MYO3B: variants seen among roughly 807,000 people sequenced by gnomAD.
MYO3B encodes the protein myosin-IIIb.
In MYO3B, 156 loss-of-function variants were observed where a neutral mutation model predicts 174.6. The ratio of observed to expected loss-of-function variants is 0.89; its 90% CI spans 0.78 to 1.02. The LOEUF (loss-of-function observed/expected upper bound fraction) is 1.02, where lower values mean the gene tolerates loss of function less well. Among genes scored for constraint, MYO3B ranks in the 50% least tolerant of loss-of-function variants. The pLI is 0.00. For synonymous variants in MYO3B, 563 were observed against 569.1 expected, an observed-to-expected ratio of 0.99 and a Z score of 0.15; for missense variants, 1,632 against 1,639.4, an observed-to-expected ratio of 1.00 and a Z score of 0.08.
Position 170,210,125 on chromosome 2 carries a change from C to T in MYO3B, c.322-4254C>T, listed in dbSNP as rs7607978. Among the ~76,000 whole-genome samples the T allele has an allele frequency of 0.029, 4,449 of 152,224 alleles. 287 individuals are homozygous for T. In the East Asian group the frequency reaches 0.29, roughly 10 times the overall value. On this transcript the variant is annotated intron_variant, in intron 3 of 34. Transcript: ENST00000408978. ...TTAAAAAAGCAAAAACCTTTTATAA[C>T]CCTTTACAAATTTTGCTAAAGAGCA...
At chr2:170,381,595 A>G (rs989788824) in intron 9 of MYO3B, among the ~76,000 whole-genome samples, 6 of 152,212 alleles carry the variant, frequency 3.9e-5, no homozygotes, top group African/African-American at 1.4e-4. Context: ...TAGGTTAAAA[A>G]CTATCACAAA....
chr2:170,298,638 C>G (rs1289742270), intron 7 of MYO3B, among the ~76,000 whole-genome samples: 1 of 146,550 alleles, frequency 6.8e-6, no homozygotes, highest in Admixed American at 7.1e-5. Flanking sequence ...CACGCCACTG[C>G]TCTGCACTCC....
At chr2:170,532,904 A>G (rs1323938772) in intron 30 of MYO3B, among the ~76,000 whole-genome samples, 1 of 151,716 alleles carries the variant, frequency 6.6e-6, no homozygotes, top group Admixed American at 6.6e-5. Context: ...ATGTGTATAT[A>G]TCAATACAGA....
intron 32 of MYO3B, among the ~76,000 whole-genome samples, chr2:170,558,998 T>C (rs1691534107): frequency 6.6e-6 from 1 of 152,272 alleles, no homozygotes; most frequent in East Asian, 1.9e-4. Flanking sequence ...CATGGAGTTA[T>C]TCTTGTTACT....
At chr2:170,275,617 A>G (rs2093459134) in intron 7 of MYO3B, among the ~76,000 whole-genome samples, 1 of 152,054 alleles carries the variant, frequency 6.6e-6, no homozygotes, top group African/African-American at 2.4e-5. Flanking sequence ...TGTGAGGAAG[A>G]CTCATTGTCA....
chr2:170,402,215 A>C (rs777409859), intron 18 of MYO3B, among the ~76,000 whole-genome samples: 1 of 152,194 alleles, frequency 6.6e-6, no homozygotes, highest in Non-Finnish European at 1.5e-5. Flanking sequence ...GTGAATAACT[A>C]ACTCCCATAT....
intron 11 of MYO3B, 41 bp from the exon 12 acceptor site, chr2:170,383,669 A>C (rs1380670616): frequency 6.8e-7 from 1 of 1,474,106 alleles, no homozygotes; most frequent in Non-Finnish European, 9.5e-7. Context: ...GGAGTATTAG[A>C]TGGTCCAGGG....
At chr2:170,595,475 G>C (rs139144045) in intron 32 of MYO3B, among the ~76,000 whole-genome samples, 2 of 152,184 alleles carry the variant, frequency 1.3e-5, no homozygotes, top group Admixed American at 6.5e-5. Flanking sequence ...GTCTCACTCT[G>C]TTACTCAGGC....
At chr2:170,265,056 A>G (rs1313054428) in intron 7 of MYO3B, among the ~76,000 whole-genome samples, 3 of 152,204 alleles carry the variant, frequency 2.0e-5, no homozygotes, top group African/African-American at 4.8e-5. Flanking sequence ...TACAGAATTC[A>G]TATTTAGAAT....
chr2:170,278,375 C>T (rs570258352), intron 7 of MYO3B, among the ~76,000 whole-genome samples: 7 of 152,210 alleles, frequency 4.6e-5, no homozygotes, highest in Admixed American at 3.9e-4. Flanking sequence ...ATTCTAATAG[C>T]ACACATCTAT....
At chr2:170,213,874 G>T (rs2092799512) in intron 3 of MYO3B, among the ~76,000 whole-genome samples, 1 of 152,148 alleles carries the variant, frequency 6.6e-6, no homozygotes, top group Admixed American at 6.5e-5. Flanking sequence ...ACTGCTGGTT[G>T]GGCTTCTGAT....
chr2:170,647,575 ATTAAAC>A (rs766379450), intron 32 of MYO3B, among the ~76,000 whole-genome samples: 2 of 152,234 alleles, frequency 1.3e-5, no homozygotes, highest in Non-Finnish European at 2.9e-5. Flanking sequence ...ATATGGAAAA[ATTAAAC>A]TTAAAATAAT....
At chr2:170,180,008 C>G (rs938562153) in intron 1 of MYO3B, 1 of 198,310 alleles carries the variant, frequency 5.0e-6, no homozygotes, top group Non-Finnish European at 1.1e-5. Context: ...CATACTATAA[C>G]ATCTAGAAAA....
chr2:170,375,200 A>G (rs1558937397), intron 9 of MYO3B, among the ~76,000 whole-genome samples: 1 of 152,296 alleles, frequency 6.6e-6, no homozygotes, highest in South Asian at 2.1e-4. Context: ...CCCTGAATTC[A>G]TTAGTATCAT....
At chr2:170,522,640 C>T (rs1421673502) in intron 30 of MYO3B, among the ~76,000 whole-genome samples, 1 of 152,210 alleles carries the variant, frequency 6.6e-6, no homozygotes, top group Non-Finnish European at 1.5e-5. Context: ...CTCTAGCTCA[C>T]TTCAGTTTGT....
intron 7 of MYO3B, among the ~76,000 whole-genome samples, chr2:170,280,949 G>A (rs1202388312): frequency 6.6e-6 from 1 of 152,038 alleles, no homozygotes; most frequent in African/African-American, 2.4e-5. Flanking sequence ...GGAGTGCCTT[G>A]GCTATTTGGG....
chr2:170,318,609 T>G (rs2093792856), intron 7 of MYO3B, among the ~76,000 whole-genome samples: 1 of 152,100 alleles, frequency 6.6e-6, no homozygotes, highest in South Asian at 2.1e-4. Context: ...TGGCCAAACT[T>G]GGGGTCAAAT....
chr2:170,315,317 C>CTT (rs11322354), intron 7 of MYO3B, among the ~76,000 whole-genome samples: 2 of 143,826 alleles, frequency 1.4e-5, no homozygotes, highest in African/African-American at 5.1e-5. Context: ...ACTTATAATT[C>CTT]TTTTTTTTTT....
chr2:170,552,047 TA>T (rs1690960656), intron 32 of MYO3B, among the ~76,000 whole-genome samples: 1 of 152,222 alleles, frequency 6.6e-6, no homozygotes, highest in Non-Finnish European at 1.5e-5. Context: ...GTGAGCCAAT[TA>T]AACCTCTTTT....
Sources: allele counts gnomAD v4.1 joint callset (sites outside exome capture counted in the v4.1 genomes callset), GRCh38; gene constraint gnomAD v4.1.1; transcripts MANE v1.5; gene names NCBI Gene and HGNC (gene_info 2026-07-23, HGNC 2026-07-21).